Variants in SLC1A2 observed in about 807,000 individuals in gnomAD.
The protein encoded by SLC1A2 is excitatory amino acid transporter 2.
A neutral mutation model predicts 48.8 loss-of-function variants in SLC1A2; 15 were observed. The ratio of observed to expected loss-of-function variants is 0.31; its 90% confidence interval spans 0.21 to 0.47. The LOEUF is 0.47. Among genes scored for constraint, SLC1A2 ranks in the 20% least tolerant of loss-of-function variants. The pLI is 0.99. For missense variants in SLC1A2, 502 were observed against 730.5 expected (o/e 0.69, Z 3.61); for synonymous variants, 279 against 272.6 (o/e 1.02, Z -0.23).
rs748074333 is a variant in SLC1A2, at chr11:35,314,990, C to G, written c.310+33G>C. The G allele has an allele frequency of 1.9e-6, 3 of 1,551,848 alleles. No individual in the cohort carries two copies. In the East Asian group the frequency reaches 6.8e-5, roughly 35 times the overall value. On this transcript the variant is annotated intron_variant, in intron 3 of 10. Coordinates refer to ENST00000278379, the MANE Select transcript of SLC1A2 (RefSeq NM_004171.4). ...TAAAAGCCAGGGCAGGAGTATGACC[C>G]ATGTTAGCCAGGCACTAGTGAGGTA...
At position 35,418,951 on chromosome 11, in the gene SLC1A2, C is replaced by T. The variant is rs145827578; in HGVS notation, c.16G>A (p.Gly6Ser). The T allele has an allele frequency of 8.5e-4, 1,335 of 1,566,008 alleles. 2 individuals are homozygous for T. The highest frequency in any genetic ancestry group is 1.0e-3 in the Non-Finnish European group (1,155 of 1,153,906). ...GGGTACAGATAAAAATCCCCTCACCCTTCCGTAGATGCCATGGTCTGGGGA... is the reference window on the plus strand; with the variant it reads ...GGGTACAGATAAAAATCCCCTCACCTTTCCGTAGATGCCATGGTCTGGGGA... Reference protein sequence around the residue: MASTEGANNMPKQVEV... With the variant: MASTESANNMPKQVEV... The change falls in exon 1 of 11, where the codon GGT (glycine) becomes AGT (serine). Residue 6 changes from glycine to serine, a missense_variant and splice_region_variant. Gly to Ser is a moderately conservative substitution (Grantham distance 56). Around this residue, in one of 4 missense-constraint regions of SLC1A2, gnomAD observed 89 missense variants for 119.7 expected, o/e 0.74. Transcript: ENST00000278379.
At chr11:35,308,786 C>T (rs1851593311) in intron 4 of SLC1A2, among the ~76,000 whole-genome samples, 4 of 152,192 alleles carry the variant, frequency 2.6e-5, no homozygotes, top group Admixed American at 2.0e-4. Context: ...ATTCCAGTCT[C>T]CCTGTCCCTA....
At chr11:35,394,157 T>A (rs1854878622) in intron 1 of SLC1A2, among the ~76,000 whole-genome samples, 1 of 152,044 alleles carries the variant, frequency 6.6e-6, no homozygotes, top group African/African-American at 2.4e-5. Flanking sequence ...AAACTCCTCC[T>A]ACCCACCCAC....
intron 1 of SLC1A2, among the ~76,000 whole-genome samples, chr11:35,357,479 C>T (rs780849842): frequency 1.3e-5 from 2 of 152,028 alleles, no homozygotes; most frequent in Non-Finnish European, 2.9e-5. Context: ...TCATGAACCT[C>T]GTAACTTCAT....
chr11:35,351,081 A>G (rs1853232938), intron 1 of SLC1A2, among the ~76,000 whole-genome samples: 2 of 152,224 alleles, frequency 1.3e-5, no homozygotes, highest in South Asian at 4.1e-4. Flanking sequence ...GATGGCTAAC[A>G]TTCATTGAGT....
chr11:35,267,532 C>G (rs1850129110), intron 9 of SLC1A2, among the ~76,000 whole-genome samples: 1 of 152,036 alleles, frequency 6.6e-6, no homozygotes, highest in South Asian at 2.1e-4. Context: ...CTAGGTAGAT[C>G]ATCCAAATAT....
chr11:35,370,302 ACT>A (rs1301735043), intron 1 of SLC1A2, among the ~76,000 whole-genome samples: 1 of 152,036 alleles, frequency 6.6e-6, no homozygotes, highest in African/African-American at 2.4e-5. Context: ...TCCAGAGCTC[ACT>A]CTCTTTAGGG....
intron 1 of SLC1A2, among the ~76,000 whole-genome samples, chr11:35,396,843 A>T (rs1854978199): frequency 6.6e-6 from 1 of 152,052 alleles, no homozygotes; most frequent in African/African-American, 2.4e-5. Flanking sequence ...CAGGATACAA[A>T]ATCAATGTGC....
chr11:35,275,500 A>T (rs1196820678), intron 9 of SLC1A2, among the ~76,000 whole-genome samples: 1 of 152,218 alleles, frequency 6.6e-6, no homozygotes, highest in Non-Finnish European at 1.5e-5. Context: ...TCCTGGACCC[A>T]GGGGAAGGTT....
intron 5 of SLC1A2, among the ~76,000 whole-genome samples, chr11:35,302,792 C>T (rs1003695107): frequency 3.3e-5 from 5 of 151,330 alleles, no homozygotes; most frequent in Non-Finnish European, 5.9e-5. Context: ...GCACATTGTG[C>T]GGCTTACAGG....
chr11:35,384,914 C>G (rs1357532814), intron 1 of SLC1A2, among the ~76,000 whole-genome samples: 2 of 152,158 alleles, frequency 1.3e-5, no homozygotes, highest in Non-Finnish European at 2.9e-5. Flanking sequence ...AGATGGCTTC[C>G]CTACACAATT....
intron 8 of SLC1A2, among the ~76,000 whole-genome samples, chr11:35,283,500 A>C (rs1310032039): frequency 2.6e-5 from 4 of 152,156 alleles, no homozygotes; most frequent in Non-Finnish European, 5.9e-5. Flanking sequence ...TCTTTTGTCA[A>C]GTGAAAATGC....
At chr11:35,281,671 C>T (rs1272875379) in intron 8 of SLC1A2, 1 of 152,068 alleles carries the variant, frequency 6.6e-6, no homozygotes, top group African/African-American at 2.4e-5. Flanking sequence ...TCAGTTCTTT[C>T]CAAGCAATGC....
intron 1 of SLC1A2, among the ~76,000 whole-genome samples, chr11:35,330,271 G>A (rs564310681): frequency 6.6e-6 from 1 of 152,140 alleles, no homozygotes; most frequent in South Asian, 2.1e-4. Context: ...GTAAGGGCTG[G>A]TCACTTCCCC....
chr11:35,378,668 A>T (rs1004057750), intron 1 of SLC1A2, among the ~76,000 whole-genome samples: 1 of 152,276 alleles, frequency 6.6e-6, no homozygotes, highest in Admixed American at 6.5e-5. Context: ...AATTGGATTG[A>T]TAAGTCTTGT....
intron 9 of SLC1A2, among the ~76,000 whole-genome samples, chr11:35,278,616 AG>A (rs1367307305): frequency 6.6e-6 from 1 of 152,142 alleles, no homozygotes; most frequent in African/African-American, 2.4e-5. Flanking sequence ...TGGAGAAGTC[AG>A]GCTTCTTTCT....
At position 35,258,288 on chromosome 11, in the gene SLC1A2, C is replaced by A. The variant is rs760221576; in HGVS notation, c.*2606G>T. 4.6e-5 allele frequency: 7 copies of A among 152,248 alleles called. No individual in the cohort carries two copies. The highest frequency in any genetic ancestry group is 7.2e-5 in the African/African-American group (3 of 41,542). The allele number at this position is 152,248 out of a possible 1,614,324, so 9.4% of individuals were successfully genotyped here. A position where few individuals can be genotyped will look rare whatever the true frequency, so the allele number is the denominator to read the frequency against. On this transcript the variant is annotated 3_prime_UTR_variant, in exon 11 of 11. Transcript: ENST00000278379. ...CTTCCTGCACACAGTAAGTCTCAGA[C>A]CAGAAAAAACTTGCTTTGTGAAGTT...
At chr11:35,322,853 A>G in intron 1 of SLC1A2, 1 of 664,246 alleles carries the variant, frequency 1.5e-6, no homozygotes, top group Admixed American at 2.2e-5. Context: ...AGCTCCTTGA[A>G]GAATGCCACC....
chr11:35,298,824 T>C (rs1565223508), intron 6 of SLC1A2: 1 of 152,146 alleles, frequency 6.6e-6, no homozygotes, highest in Non-Finnish European at 1.5e-5. Context: ...CCTGCAAGGG[T>C]TTAGTGGAAA....
Sources: gnomAD v4.1 joint callset for allele counts (sites outside exome capture counted in the v4.1 genomes callset) on GRCh38, gnomAD v4.1.1 for gene constraint, gnomAD v4.1.1 regional missense constraint, MANE v1.5 for transcripts, NCBI Gene and HGNC (gene_info 2026-07-23, HGNC 2026-07-21) for gene names.